The following UNC13C variants were observed in gnomAD, a reference collection of about 807,000 sequenced individuals.
The protein encoded by UNC13C is protein unc-13 homolog C.
A neutral mutation model predicts 245.4 loss-of-function variants in UNC13C; 174 were observed. That is an observed-to-expected ratio of 0.71 (90% CI 0.63 to 0.80). UNC13C has a LOEUF of 0.80. UNC13C is among the 30% of genes least tolerant of loss of function. UNC13C has a pLI of 0.00. For synonymous variants in UNC13C, 992 were observed against 895.1 expected (o/e 1.11, Z -1.93); for missense variants, 2,829 against 2,602.9 (o/e 1.09, Z -1.89).
At chr15:53,967,040 C>G in the UNC13C span, among the ~76,000 whole-genome samples, 1 of 152,066 alleles carries the variant, frequency 6.6e-6, no homozygotes, top group Non-Finnish European at 1.5e-5. Flanking sequence ...ATTTCTAATT[C>G]TTTCCTGATC....
At position 54,532,832 on chromosome 15, in the gene UNC13C, C is replaced by A. The variant is rs1178071067; in HGVS notation, c.5547-85C>A. The A allele has an allele frequency of 3.2e-6, 3 of 925,550 alleles. No individual in the cohort carries two copies. The South Asian group carries it at 5.6e-5, about 17-fold the overall frequency. The allele number at this position is 925,550 out of a possible 1,614,324, so 57.3% of individuals were successfully genotyped here. On this transcript the variant is annotated intron_variant, in intron 25 of 32. Coordinates refer to ENST00000260323, the MANE Select transcript of UNC13C (RefSeq NM_001080534.3). ...GCAGGGGAATTCACACCAGTTGAAA[C>A]AGATCAAAATCCTCAGGGTGAAATT...
At chr15:53,929,362 A>G in the UNC13C span, among the ~76,000 whole-genome samples, 5 of 152,156 alleles carry the variant, frequency 3.3e-5, no homozygotes, top group Admixed American at 6.5e-5. Context: ...AAACCATATC[A>G]TTTTTACCTC....
intron 4 of UNC13C, among the ~76,000 whole-genome samples, chr15:54,183,248 G>T (rs187730407): frequency 6.6e-6 from 1 of 151,572 alleles, no homozygotes; most frequent in Admixed American, 6.6e-5. Flanking sequence ...AGTCAGTTGA[G>T]TTTAAGAAAA....
intron 1 of UNC13C, among the ~76,000 whole-genome samples, chr15:53,983,140 G>A (rs1034879712): frequency 6.6e-6 from 1 of 152,128 alleles, no homozygotes; most frequent in Non-Finnish European, 1.5e-5. Context: ...TGTGATAGAT[G>A]TTGAAGTACT....
chr15:53,997,378 T>C (rs1297680946), intron 1 of UNC13C, among the ~76,000 whole-genome samples: 1 of 152,150 alleles, frequency 6.6e-6, no homozygotes, highest in Admixed American at 6.5e-5. Context: ...TGTTAATGGT[T>C]TTCAAAGAAG....
chr15:54,050,625 G>A (rs1897236456), intron 2 of UNC13C: 1 of 442,732 alleles, frequency 2.3e-6, no homozygotes, highest in Non-Finnish European at 4.5e-6. Context: ...TTTATCATCA[G>A]AACTTATGAG....
rs574933046 is a variant in UNC13C, at chr15:54,604,919, C to G, written c.6107-17408C>G. On this transcript the variant is annotated intron_variant, in intron 30 of 32. Transcript: ENST00000260323. Reference sequence around the variant, plus strand: ...ACCCAGACCTACCTAATTAACAAATCTGCACTTCCGGCACATGTACCCTGC... The same window carrying G: ...ACCCAGACCTACCTAATTAACAAATGTGCACTTCCGGCACATGTACCCTGC... Among the ~76,000 whole-genome samples the G allele has an allele frequency of 1.7e-4, 25 of 150,738 alleles. No homozygotes were observed. In the South Asian group the frequency reaches 5.3e-3, roughly 32 times the overall value.
At chr15:54,305,459 A>G (rs1307802009) in intron 13 of UNC13C, among the ~76,000 whole-genome samples, 1 of 152,074 alleles carries the variant, frequency 6.6e-6, no homozygotes, top group Non-Finnish European at 1.5e-5. Context: ...TTGCAATTGA[A>G]TTGTAACTTG....
At chr15:53,910,355 C>T in the UNC13C span, among the ~76,000 whole-genome samples, 3 of 146,168 alleles carry the variant, frequency 2.1e-5, no homozygotes, top group East Asian at 6.0e-4. Flanking sequence ...CCCAGGCCTG[C>T]ATGACTCACT....
chr15:53,863,248 CT>C, the UNC13C span, among the ~76,000 whole-genome samples: 1 of 152,186 alleles, frequency 6.6e-6, no homozygotes, highest in Non-Finnish European at 1.5e-5. Flanking sequence ...GAGACTACTC[CT>C]CTTTGGACTG....
At chr15:54,095,488 G>T (rs1899806529) in intron 2 of UNC13C, among the ~76,000 whole-genome samples, 1 of 152,122 alleles carries the variant, frequency 6.6e-6, no homozygotes, top group East Asian at 1.9e-4. Context: ...CTACTTTTGT[G>T]GTCCCACTTT....
intron 4 of UNC13C, among the ~76,000 whole-genome samples, chr15:54,226,979 G>T (rs1173393019): frequency 1.3e-5 from 2 of 152,100 alleles, no homozygotes; most frequent in Non-Finnish European, 1.5e-5. Flanking sequence ...GGGAAGGGTA[G>T]GGGGCATGTT....
chr15:54,318,386 T>G (rs951428213), intron 13 of UNC13C, among the ~76,000 whole-genome samples: 15 of 151,956 alleles, frequency 9.9e-5, no homozygotes, highest in African/African-American at 3.6e-4. Context: ...TGCAAAACAC[T>G]TCTTACCTCT....
chr15:54,594,285 T>A (rs1446719811), intron 30 of UNC13C, among the ~76,000 whole-genome samples: 1 of 152,074 alleles, frequency 6.6e-6, no homozygotes, highest in Non-Finnish European at 1.5e-5. Flanking sequence ...GAAAGCTCTT[T>A]TTTTGTGCGG....
At chr15:54,410,492 T>G (rs894889087) in intron 18 of UNC13C, among the ~76,000 whole-genome samples, 1 of 152,188 alleles carries the variant, frequency 6.6e-6, no homozygotes, top group Admixed American at 6.5e-5. Context: ...TGGGTTCTTA[T>G]AGTTTCCAGT....
chr15:53,852,509 C>T, the UNC13C span, among the ~76,000 whole-genome samples: 2 of 152,128 alleles, frequency 1.3e-5, no homozygotes, highest in Non-Finnish European at 2.9e-5. Context: ...AAAGTCACCC[C>T]AACATAAATT....
intron 19 of UNC13C, among the ~76,000 whole-genome samples, chr15:54,450,767 C>T (rs570542092): frequency 6.6e-5 from 10 of 152,274 alleles, no homozygotes; most frequent in East Asian, 5.8e-4. Context: ...CGGTGCACTG[C>T]GCCCACTGTC....
chr15:53,993,755 C>T (rs755724582), intron 1 of UNC13C, among the ~76,000 whole-genome samples: 5 of 152,164 alleles, frequency 3.3e-5, no homozygotes, highest in Non-Finnish European at 7.4e-5. Flanking sequence ...TGTGGTCCCA[C>T]GATCTGTGGT....
intron 19 of UNC13C, among the ~76,000 whole-genome samples, chr15:54,463,912 G>A (rs948651466): frequency 6.6e-6 from 1 of 152,170 alleles, no homozygotes; most frequent in Admixed American, 6.5e-5. Flanking sequence ...GAAGGGACAA[G>A]CCCAATGGAG....
Sources: gnomAD v4.1 joint callset for allele counts (sites outside exome capture counted in the v4.1 genomes callset) on GRCh38, gnomAD v4.1.1 for gene constraint, MANE v1.5 for transcripts, NCBI Gene and HGNC (gene_info 2026-07-23, HGNC 2026-07-21) for gene names.